The following MAML3 variants were observed in gnomAD, a reference collection of about 807,000 sequenced individuals.
MAML3 encodes the protein mastermind-like protein 3.
Under a neutral mutation model 101.9 loss-of-function variants are expected in MAML3, and 27 were observed. The ratio of observed to expected loss-of-function variants is 0.27; its 90% CI spans 0.20 to 0.37. The LOEUF (loss-of-function observed/expected upper bound fraction) is 0.37, where lower values mean the gene tolerates loss of function less well. Ranked by LOEUF, MAML3 falls within the 10% of genes least tolerant of loss-of-function variation. MAML3 has a pLI of 1.00. For synonymous variants in MAML3, 501 were observed against 555.9 expected, an observed-to-expected ratio of 0.90 and a Z score of 1.39; for missense variants, 1,316 against 1,444.9, an observed-to-expected ratio of 0.91 and a Z score of 1.45.
chr4:139,818,570 G>C (rs1054085548), intron 2 of MAML3, among the ~76,000 whole-genome samples: 7 of 152,152 alleles, frequency 4.6e-5, no homozygotes, highest in African/African-American at 1.7e-4. Flanking sequence ...ATACATTTTA[G>C]AGGTTCCCCA....
At chr4:140,119,627 C>CTTCCTCCCTTCCT (rs1553977554) in intron 1 of MAML3, among the ~76,000 whole-genome samples, 45 of 138,108 alleles carry the variant, frequency 3.3e-4, no homozygotes, top group African/African-American at 1.1e-3. Context: ...TCCTCCCTTC[C>CTTCCTCCCTTCCT]TTTTTTTTTT....
At chr4:139,872,219 A>ATT (rs540890560) in intron 2 of MAML3, among the ~76,000 whole-genome samples, 4 of 152,086 alleles carry the variant, frequency 2.6e-5, no homozygotes, top group African/African-American at 4.8e-5. Context: ...TTTAAAAAAA[A>ATT]TTTTTTAATC....
At chr4:140,056,990 C>CA (rs1363679119) in intron 1 of MAML3, among the ~76,000 whole-genome samples, 1 of 152,066 alleles carries the variant, frequency 6.6e-6, no homozygotes, top group Non-Finnish European at 1.5e-5. Context: ...ACAACAACAA[C>CA]AAAAAATGCA....
intron 2 of MAML3, among the ~76,000 whole-genome samples, chr4:139,837,823 G>C (rs544726859): frequency 6.6e-6 from 1 of 152,116 alleles, no homozygotes; most frequent in African/African-American, 2.4e-5. Flanking sequence ...GGGAGGCTGA[G>C]GTAGGAGAAT....
At chr4:139,969,335 T>C (rs1479969030) in intron 1 of MAML3, among the ~76,000 whole-genome samples, 3 of 151,900 alleles carry the variant, frequency 2.0e-5, no homozygotes, top group African/African-American at 4.8e-5. Flanking sequence ...TGATTTAAAA[T>C]ACTCAAGATG....
At chr4:140,145,725 C>T (rs1482945903) in intron 1 of MAML3, among the ~76,000 whole-genome samples, 2 of 151,888 alleles carry the variant, frequency 1.3e-5, no homozygotes, top group African/African-American at 4.8e-5. Context: ...GCCACCACGC[C>T]CGGCTAATTT....
chr4:139,911,291 C>T (rs1024476607), intron 1 of MAML3, among the ~76,000 whole-genome samples: 1 of 151,460 alleles, frequency 6.6e-6, no homozygotes, highest in South Asian at 2.1e-4. Flanking sequence ...AATCTCAGCT[C>T]ATTGCAACCT....
chr4:140,147,354 C>A (rs1166667314), intron 1 of MAML3, among the ~76,000 whole-genome samples: 4 of 152,080 alleles, frequency 2.6e-5, no homozygotes, highest in Non-Finnish European at 5.9e-5. Flanking sequence ...AGAATAAAGG[C>A]AAATCCATAC....
At chr4:140,042,416 C>T (rs1727101353) in intron 1 of MAML3, among the ~76,000 whole-genome samples, 2 of 152,150 alleles carry the variant, frequency 1.3e-5, no homozygotes, top group African/African-American at 4.8e-5. Flanking sequence ...AGGCGGATCA[C>T]GAGGTCAGGA....
At chr4:139,752,316 A>G (rs1253570939) in intron 2 of MAML3, among the ~76,000 whole-genome samples, 1 of 152,192 alleles carries the variant, frequency 6.6e-6, no homozygotes, top group Non-Finnish European at 1.5e-5. Flanking sequence ...AGGATCAATG[A>G]GATATGGTAT....
chr4:140,128,193 C>T (rs1728714345), intron 1 of MAML3: 1 of 152,172 alleles, frequency 6.6e-6, no homozygotes, highest in Non-Finnish European at 1.5e-5. Flanking sequence ...TAAGATGGTG[C>T]TTTAGAACAA....
At chr4:140,067,726 CTTT>C (rs34853196) in intron 1 of MAML3, among the ~76,000 whole-genome samples, 7 of 131,376 alleles carry the variant, frequency 5.3e-5, no homozygotes, top group Admixed American at 7.8e-5. Context: ...CAATCTTAAT[CTTT>C]TTTTTTTTTT....
rs193203679 is a variant in MAML3, at chr4:139,951,323, A to G, written c.469-60356T>C. 1.6e-3 allele frequency among the ~76,000 whole-genome samples: 240 copies of G among 152,346 alleles called. 1 individual carries two copies. Among genetic ancestry groups the G allele is most frequent in the African/African-American group, 5.4e-3 (223 of 41,582 alleles). On this transcript the variant is annotated intron_variant, in intron 1 of 4. Coordinates refer to ENST00000509479, the MANE Select transcript of MAML3 (RefSeq NM_018717.5). ...AGCAATTTTGAATGTGCTGACATGGAGAACAGTGACCACAGAGTCAATGCA... is the reference window on the plus strand; with the variant it reads ...AGCAATTTTGAATGTGCTGACATGGGGAACAGTGACCACAGAGTCAATGCA...
At chr4:139,917,151 C>T (rs1227546510) in intron 1 of MAML3, among the ~76,000 whole-genome samples, 1 of 152,150 alleles carries the variant, frequency 6.6e-6, no homozygotes, top group Non-Finnish European at 1.5e-5. Flanking sequence ...TCCAAAAGTT[C>T]AAGAACCACT....
At chr4:140,121,620 T>C (rs1420401887) in intron 1 of MAML3, among the ~76,000 whole-genome samples, 1 of 152,262 alleles carries the variant, frequency 6.6e-6, no homozygotes, top group Non-Finnish European at 1.5e-5. Flanking sequence ...ACATACTTTG[T>C]TAACTGGCTT....
chr4:140,120,698 C>G (rs1395951583), intron 1 of MAML3, among the ~76,000 whole-genome samples: 1 of 151,692 alleles, frequency 6.6e-6, no homozygotes, highest in Non-Finnish European at 1.5e-5. Context: ...TTTTTTTTTC[C>G]TCATAGAGAA....
At chr4:140,035,827 G>C (rs1468547364) in intron 1 of MAML3, among the ~76,000 whole-genome samples, 1 of 151,608 alleles carries the variant, frequency 6.6e-6, no homozygotes, top group Non-Finnish European at 1.5e-5. Flanking sequence ...CATTAATAAA[G>C]TTTAGCACCA....
At chr4:139,972,104 A>G (rs1051987207) in intron 1 of MAML3, among the ~76,000 whole-genome samples, 1 of 152,106 alleles carries the variant, frequency 6.6e-6, no homozygotes, top group African/African-American at 2.4e-5. Context: ...CAGGATGTAC[A>G]GGTTTGTTAC....
chr4:140,002,223 C>T (rs1231878174), intron 1 of MAML3, among the ~76,000 whole-genome samples: 1 of 152,152 alleles, frequency 6.6e-6, no homozygotes. Context: ...CCACCATACT[C>T]CCAACTCCTG....
Sources: allele counts gnomAD v4.1 joint callset (sites outside exome capture counted in the v4.1 genomes callset), GRCh38; gene constraint gnomAD v4.1.1; transcripts MANE v1.5; gene names NCBI Gene and HGNC (gene_info 2026-07-23, HGNC 2026-07-21).